DGKB: variants seen among roughly 807,000 people sequenced by gnomAD.
The protein encoded by DGKB is 90 kDa diacylglycerol kinase.
Under a neutral mutation model 114.3 loss-of-function variants are expected in DGKB, and 67 were observed. The ratio of observed to expected loss-of-function variants is 0.59; its 90% CI spans 0.48 to 0.72. The LOEUF (loss-of-function observed/expected upper bound fraction) is 0.72, where lower values mean the gene tolerates loss of function less well. Ranked by LOEUF, DGKB falls within the 30% of genes least tolerant of loss-of-function variation. DGKB has a pLI of 0.00. For missense variants in DGKB, 907 were observed against 975.2 expected (o/e 0.93, Z 0.93); for synonymous variants, 398 against 323.1 (o/e 1.23, Z -2.49).
chr7:14,498,464 C>T (rs536888648), intron 20 of DGKB, among the ~76,000 whole-genome samples: 20 of 151,752 alleles, frequency 1.3e-4, no homozygotes, highest in Non-Finnish European at 2.7e-4. Flanking sequence ...AAAGTCAAGA[C>T]CAGAGATTCA....
intron 21 of DGKB, among the ~76,000 whole-genome samples, chr7:14,427,441 C>T (rs1183916158): frequency 6.6e-6 from 1 of 152,134 alleles, no homozygotes; most frequent in African/African-American, 2.4e-5. Context: ...CCAAACCGTT[C>T]CAACCTCTGC....
At chr7:14,273,147 C>T (rs1269120888) in intron 23 of DGKB, among the ~76,000 whole-genome samples, 1 of 151,992 alleles carries the variant, frequency 6.6e-6, no homozygotes, top group Non-Finnish European at 1.5e-5. Context: ...GAGTTTGAAA[C>T]CAGCGTGGGC....
intron 1 of DGKB, among the ~76,000 whole-genome samples, chr7:14,948,753 T>A (rs1018627786): frequency 6.6e-6 from 1 of 151,648 alleles, no homozygotes; most frequent in African/African-American, 2.4e-5. Flanking sequence ...AAATTACTAC[T>A]AAGAAGGAGA....
intron 21 of DGKB, among the ~76,000 whole-genome samples, chr7:14,437,651 A>C (rs2128805141): frequency 6.6e-6 from 1 of 152,014 alleles, no homozygotes; most frequent in East Asian, 1.9e-4. Context: ...CTTGAAAGGG[A>C]ATCTTTCAAG....
chr7:14,259,572 G>A (rs1022095393), intron 23 of DGKB, among the ~76,000 whole-genome samples: 42 of 152,164 alleles, frequency 2.8e-4, no homozygotes, highest in Non-Finnish European at 4.6e-4. Flanking sequence ...GATTATAGGC[G>A]TGAGCCACCA....
At chr7:14,489,662 C>T (rs184877281) in intron 20 of DGKB, among the ~76,000 whole-genome samples, 8 of 152,050 alleles carry the variant, frequency 5.3e-5, no homozygotes, top group Admixed American at 1.3e-4. Context: ...ACCTCATGTG[C>T]GTTTGCAATC....
intron 23 of DGKB, among the ~76,000 whole-genome samples, chr7:14,279,493 T>A (rs529990870): frequency 6.6e-6 from 1 of 152,186 alleles, no homozygotes; most frequent in Non-Finnish European, 1.5e-5. Context: ...TCTGACAGCT[T>A]TGGAGAGAGC....
At chr7:14,260,427 T>C (rs6971533) in intron 23 of DGKB, among the ~76,000 whole-genome samples, 2 of 151,998 alleles carry the variant, frequency 1.3e-5, no homozygotes, top group Admixed American at 1.3e-4. Flanking sequence ...TGTGTTAGCA[T>C]GTTTGAAATC....
intron 21 of DGKB, among the ~76,000 whole-genome samples, chr7:14,371,140 G>A (rs973708768): frequency 1.3e-5 from 2 of 152,100 alleles, no homozygotes; most frequent in Non-Finnish European, 2.9e-5. Context: ...ATGAGTGCAG[G>A]TGTCTTTTTG....
intron 17 of DGKB, among the ~76,000 whole-genome samples, chr7:14,604,772 T>A (rs185557398): frequency 6.6e-6 from 1 of 152,038 alleles, no homozygotes; most frequent in African/African-American, 2.4e-5. Flanking sequence ...AGATCAGTCA[T>A]TGAGTTCAGA....
chr7:14,433,468 T>G (rs532279491), intron 21 of DGKB, among the ~76,000 whole-genome samples: 1 of 152,162 alleles, frequency 6.6e-6, no homozygotes, highest in African/African-American at 2.4e-5. Flanking sequence ...TACTTTGGGG[T>G]TTATTTTCTC....
At chr7:14,831,621 T>A (rs1326154887) in intron 2 of DGKB, among the ~76,000 whole-genome samples, 1 of 152,024 alleles carries the variant, frequency 6.6e-6, no homozygotes, top group East Asian at 1.9e-4. Context: ...AAACATGAGG[T>A]ACATGCTGTT....
intron 20 of DGKB, among the ~76,000 whole-genome samples, chr7:14,533,040 G>T (rs1002076513): frequency 6.6e-6 from 1 of 151,724 alleles, no homozygotes; most frequent in African/African-American, 2.4e-5. Flanking sequence ...CTAACGAAAT[G>T]AAAGTCTACA....
In DGKB at chr7:14,630,240, G is replaced by A; in HGVS notation, c.1163C>T (p.Pro388Leu). The change falls in exon 14 of 26, where the codon CCT (proline) becomes CTT (leucine). Residue 388 changes from proline to leucine, a missense_variant. Physicochemically the swap from Pro to Leu is moderately conservative, Grantham distance 98. This residue lies in a region of DGKB where 814 missense variants were observed against 856.6 expected (regional missense o/e 0.95). Transcript: ENST00000402815. ...AACCTGTTTTTGCTTACGCACCTCA[G>A]GAACTGAAACTCCTGAAGTGGGCAG... is the stretch of plus-strand genomic sequence containing the variant. ...LTLPTSGVSV[P>L]EERQSTVKKE... The A allele has an allele frequency of 1.3e-6, 2 of 1,555,720 alleles. No individual in the cohort carries two copies. The highest frequency in any genetic ancestry group is 8.7e-7 in the Non-Finnish European group (1 of 1,149,844).
intron 2 of DGKB, among the ~76,000 whole-genome samples, chr7:14,809,286 T>C (rs1223543165): frequency 2.0e-5 from 3 of 152,152 alleles, no homozygotes; most frequent in Non-Finnish European, 4.4e-5. Flanking sequence ...CTGGTAGCAC[T>C]TGGACTCCTG....
At chr7:14,705,107 TA>T (rs1324887113) in intron 6 of DGKB, among the ~76,000 whole-genome samples, 1 of 149,218 alleles carries the variant, frequency 6.7e-6, no homozygotes, top group Non-Finnish European at 1.5e-5. Context: ...GAATAACCAA[TA>T]CAGAGAAGTG....
In DGKB at chr7:14,145,343, G is replaced by C. The variant is rs1413999124; in HGVS notation, c.*3788C>G. 1 of 152,002 alleles carries C rather than the reference G, an allele frequency of 6.6e-6. No individual in the cohort carries two copies. Among genetic ancestry groups the C allele is most frequent in the Non-Finnish European group, 1.5e-5 (1 of 67,990 alleles). 9.4% of individuals were successfully genotyped at this position (152,002 alleles called of 1,614,324 possible). Reference sequence around the variant, plus strand: ...TACAAGGGTTTAATCTTTTAATAGAGATATTATTCAGTTATTTGAAAAATA... The same window carrying C: ...TACAAGGGTTTAATCTTTTAATAGACATATTATTCAGTTATTTGAAAAATA... On this transcript the variant is annotated 3_prime_UTR_variant, in exon 26 of 26. Transcript: ENST00000402815.
intron 1 of DGKB, among the ~76,000 whole-genome samples, chr7:14,858,620 T>C (rs1850518647): frequency 6.6e-6 from 1 of 152,038 alleles, no homozygotes; most frequent in East Asian, 1.9e-4. Flanking sequence ...GGATTATCAT[T>C]AGGTGGCAGA....
intron 8 of DGKB, 44 bp downstream of exon 8, chr7:14,698,051 G>C (rs374861176): frequency 2.0e-6 from 2 of 976,466 alleles, no homozygotes; most frequent in Non-Finnish European, 3.2e-6. Context: ...AAAGAAAGAG[G>C]CCTTCCAGAA....
Sources: allele counts gnomAD v4.1 joint callset (sites outside exome capture counted in the v4.1 genomes callset), GRCh38; gene constraint gnomAD v4.1.1; regional missense constraint gnomAD v4.1.1; transcripts MANE v1.5; gene names NCBI Gene and HGNC (gene_info 2026-07-23, HGNC 2026-07-21).